The following INSC variants were observed in gnomAD, a reference collection of about 807,000 sequenced individuals.
The protein encoded by INSC is protein inscuteable homolog.
A neutral mutation model predicts 58.6 loss-of-function variants in INSC; 67 were observed. That is an observed-to-expected ratio of 1.14 (90% CI 0.94 to 1.40). The LOEUF (loss-of-function observed/expected upper bound fraction) is 1.40. INSC is among the 40% of genes most tolerant of loss of function. The probability of loss-of-function intolerance (pLI) is 0.00; values close to 1 mark genes in which losing one functional copy is unlikely to be tolerated. For synonymous variants in INSC, 262 were observed against 276.1 expected (o/e 0.95, Z 0.51); for missense variants, 714 against 692.0 (o/e 1.03, Z -0.36).
At chr11:15,141,391 C>T (rs868790438) in intron 1 of INSC, among the ~76,000 whole-genome samples, 9 of 152,228 alleles carry the variant, frequency 5.9e-5, no homozygotes, top group Non-Finnish European at 1.3e-4. Context: ...GGGTGGGGCC[C>T]GCTCTACCTG....
At chr11:15,217,952 A>G (rs553892591) in intron 7 of INSC, among the ~76,000 whole-genome samples, 5 of 152,318 alleles carry the variant, frequency 3.3e-5, no homozygotes, top group African/African-American at 1.2e-4. Flanking sequence ...AGTTACTACT[A>G]TCATGTCGCA....
intron 7 of INSC, among the ~76,000 whole-genome samples, chr11:15,218,295 T>C (rs1299708603): frequency 2.0e-5 from 3 of 152,302 alleles, no homozygotes; most frequent in Admixed American, 6.5e-5. Flanking sequence ...TATTCAGCAT[T>C]ATACCATTTA....
At chr11:15,234,166 G>T (rs2133965616) in intron 9 of INSC, among the ~76,000 whole-genome samples, 1 of 152,304 alleles carries the variant, frequency 6.6e-6, no homozygotes, top group African/African-American at 2.4e-5. Context: ...TAAAGGTTCT[G>T]GAGTATTCTC....
chr11:15,194,553 C>A (rs1850301588), intron 6 of INSC, among the ~76,000 whole-genome samples: 1 of 152,226 alleles, frequency 6.6e-6, no homozygotes, highest in African/African-American at 2.4e-5. Flanking sequence ...AAATGCTTGT[C>A]AACTCTTGTG....
At chr11:15,242,387 A>C (rs1470579112) in intron 12 of INSC, among the ~76,000 whole-genome samples, 3 of 152,206 alleles carry the variant, frequency 2.0e-5, no homozygotes, top group African/African-American at 4.8e-5. Flanking sequence ...TGGATGCTGA[A>C]GAGAACCCCT....
chr11:15,201,293 C>T (rs1268853278), intron 7 of INSC, among the ~76,000 whole-genome samples: 4 of 152,080 alleles, frequency 2.6e-5, no homozygotes, highest in Non-Finnish European at 5.9e-5. Flanking sequence ...ATTCTTCACC[C>T]ACAGCAGGCC....
chr11:15,142,283 G>A (rs1590353360), intron 1 of INSC, among the ~76,000 whole-genome samples: 1 of 152,078 alleles, frequency 6.6e-6, no homozygotes, highest in East Asian at 1.9e-4. Flanking sequence ...CTGCATTCCC[G>A]TGCTACTGAG....
At chr11:15,133,377 CT>C (rs1457691770) in intron 1 of INSC, among the ~76,000 whole-genome samples, 2 of 152,082 alleles carry the variant, frequency 1.3e-5, no homozygotes, top group African/African-American at 4.8e-5. Context: ...ATTTTATAGC[CT>C]TTGTTCTTCG....
intron 1 of INSC, among the ~76,000 whole-genome samples, chr11:15,138,082 A>C (rs1235369358): frequency 1.3e-5 from 2 of 152,116 alleles, no homozygotes; most frequent in African/African-American, 4.8e-5. Flanking sequence ...GGAGAGGGAG[A>C]AAGATAGGGG....
At chr11:15,220,844 C>T (rs1347453734) in intron 7 of INSC, among the ~76,000 whole-genome samples, 1 of 152,208 alleles carries the variant, frequency 6.6e-6, no homozygotes, top group Non-Finnish European at 1.5e-5. Flanking sequence ...TTGCTTCTTA[C>T]TGGTTGGGCA....
chr11:15,234,825 G>T (rs771889307), intron 9 of INSC, among the ~76,000 whole-genome samples: 1 of 152,096 alleles, frequency 6.6e-6, no homozygotes, highest in African/African-American at 2.4e-5. Context: ...GGGGTCCCTG[G>T]AATGAGTCCT....
chr11:15,138,388 T>G (rs1472984902), intron 1 of INSC, among the ~76,000 whole-genome samples: 1 of 151,702 alleles, frequency 6.6e-6, no homozygotes, highest in Non-Finnish European at 1.5e-5. Flanking sequence ...AAAAAGAAAA[T>G]AAAAAAGCAG....
chr11:15,192,986 C>T (rs1010895098), intron 6 of INSC, among the ~76,000 whole-genome samples: 2 of 152,144 alleles, frequency 1.3e-5, no homozygotes, highest in African/African-American at 4.8e-5. Context: ...GAGGGTGGTA[C>T]TAACATTTTA....
intron 7 of INSC, among the ~76,000 whole-genome samples, chr11:15,209,345 A>C (rs1850930803): frequency 6.6e-6 from 1 of 152,226 alleles, no homozygotes; most frequent in African/African-American, 2.4e-5. Context: ...TCAATGCTCC[A>C]TAGATGTGAG....
intron 1 of INSC, among the ~76,000 whole-genome samples, chr11:15,129,774 C>A (rs539557270): frequency 2.0e-5 from 3 of 152,118 alleles, no homozygotes; most frequent in Non-Finnish European, 4.4e-5. Flanking sequence ...TTTGTAGATA[C>A]CCTTGGATTT....
At chr11:15,136,884 A>T (rs1848257164) in intron 1 of INSC, among the ~76,000 whole-genome samples, 1 of 152,216 alleles carries the variant, frequency 6.6e-6, no homozygotes, top group South Asian at 2.1e-4. Context: ...TGATATCTAG[A>T]ATGGTAATTG....
chr11:15,193,009 C>T (rs1002426499), intron 6 of INSC, among the ~76,000 whole-genome samples: 16 of 152,146 alleles, frequency 1.1e-4, no homozygotes, highest in East Asian at 9.6e-4. Context: ...CAAATGAAGA[C>T]GCTGAGGAAC....
In INSC at chr11:15,178,463, G is replaced by A. The variant is rs368642299; in HGVS notation, c.579+16G>A. The A allele has an allele frequency of 1.6e-4, 254 of 1,605,098 alleles. 2 individuals carry two copies. The African/African-American group carries it at 3.0e-3, about 19-fold the overall frequency. ...GGAGGTTCAGGTCAGTGCAGGCTGG[G>A]CTGCAGGGAGGGGTGCTTGTGTGGA... On this transcript the variant is annotated intron_variant, in intron 5 of 12. Coordinates refer to ENST00000379556, the MANE Select transcript of INSC (RefSeq NM_001042536.3).
intron 9 of INSC, among the ~76,000 whole-genome samples, chr11:15,227,202 T>C (rs1479121935): frequency 1.3e-5 from 2 of 152,206 alleles, no homozygotes; most frequent in African/African-American, 4.8e-5. Flanking sequence ...TCTTTGACTC[T>C]CATCTGCTGT....
Sources: gnomAD v4.1 joint callset for allele counts (sites outside exome capture counted in the v4.1 genomes callset) on GRCh38, gnomAD v4.1.1 for gene constraint, MANE v1.5 for transcripts, NCBI Gene and HGNC (gene_info 2026-07-23, HGNC 2026-07-21) for gene names.